ERLEC1: variants seen among roughly 807,000 people sequenced by gnomAD.
ERLEC1 encodes endoplasmic reticulum lectin 1.
Under a neutral mutation model 68.0 loss-of-function variants are expected in ERLEC1, and 47 were observed. That is an observed-to-expected ratio of 0.69 (90% CI 0.55 to 0.88). ERLEC1 has a LOEUF of 0.88. Ranked by LOEUF, ERLEC1 falls within the 40% of genes least tolerant of loss-of-function variation. The pLI, the probability that ERLEC1 is intolerant of heterozygous loss-of-function variation, is 0.00. For synonymous variants in ERLEC1, 225 were observed against 203.2 expected, an observed-to-expected ratio of 1.11 and a Z score of -0.91; for missense variants, 567 against 583.8, an observed-to-expected ratio of 0.97 and a Z score of 0.30.
At position 53,801,439 on chromosome 2, in the gene ERLEC1, C is replaced by G; in HGVS notation, c.568C>G (p.Pro190Ala). The change falls in exon 7 of 14, where the codon CCT (proline) becomes GCT (alanine). Residue 190 changes from proline (P) to alanine (A), a missense_variant. By Grantham distance (27) the Pro-to-Ala change is conservative. Transcript: ENST00000185150. ...CGAAGGTCAGATGACACCATACTATCCTGTGGGAATGGGAAATGGTACACC... is the reference window on the plus strand; with the variant it reads ...CGAAGGTCAGATGACACCATACTATGCTGTGGGAATGGGAAATGGTACACC... ...NIEGQMTPYY[P>A]VGMGNGTPCS... 1 of 1,613,840 alleles carries G rather than the reference C, an allele frequency of 6.2e-7. No individual in the cohort carries two copies. Among genetic ancestry groups the G allele is most frequent in the South Asian group, 1.1e-5 (1 of 91,066 alleles).
In ERLEC1 at chr2:53,793,741, A is replaced by G. The variant is rs112350861; in HGVS notation, c.163-604A>G. Among the ~76,000 whole-genome samples the G allele has an allele frequency of 4.3e-4, 65 of 152,096 alleles. 2 individuals are homozygous for G. The highest frequency in any genetic ancestry group is 1.5e-3 in the African/African-American group (62 of 41,508). ...CACTATTTTAACTTCAATCTGTTGC[A>G]TTCCTCCTTTTTTCTTTATACTCCA... On this transcript the variant is annotated intron_variant, in intron 1 of 13. Transcript: ENST00000185150.
intron 13 of ERLEC1, among the ~76,000 whole-genome samples, chr2:53,817,674 T>G (rs1676972319): frequency 6.6e-6 from 1 of 152,086 alleles, no homozygotes; most frequent in Non-Finnish European, 1.5e-5. Flanking sequence ...TCCTTTTCCC[T>G]CCCCCGCTTG....
At chr2:53,792,935 A>G (rs370122390) in intron 1 of ERLEC1, among the ~76,000 whole-genome samples, 1 of 151,872 alleles carries the variant, frequency 6.6e-6, no homozygotes, top group South Asian at 2.1e-4. Context: ...ACCTGAGTCC[A>G]GGAGGTCAGG....
At chr2:53,814,255 T>A (rs1676743268) in intron 11 of ERLEC1, among the ~76,000 whole-genome samples, 1 of 152,198 alleles carries the variant, frequency 6.6e-6, no homozygotes. Context: ...ACAATTTTTT[T>A]AAAGGAATCT....
At chr2:53,790,245 T>C (rs1024911129) in intron 1 of ERLEC1, among the ~76,000 whole-genome samples, 14 of 130,048 alleles carry the variant, frequency 1.1e-4, no homozygotes, top group African/African-American at 4.2e-4. Context: ...AAGCGTGCGC[T>C]ACCACACCTG....
intron 1 of ERLEC1, among the ~76,000 whole-genome samples, chr2:53,787,821 C>T (rs184081523): frequency 6.6e-6 from 1 of 152,346 alleles, no homozygotes; most frequent in East Asian, 1.9e-4. Flanking sequence ...CGTTCTCCCT[C>T]AGTTGTATAC....
chr2:53,797,957 G>A (rs577341617), intron 5 of ERLEC1, among the ~76,000 whole-genome samples, 162 bp downstream of exon 5: 1 of 152,300 alleles, frequency 6.6e-6, no homozygotes, highest in African/African-American at 2.4e-5. Flanking sequence ...AGCACTTTGG[G>A]AGGCCAAGGC....
At chr2:53,804,168 AT>A (rs994490259) in intron 8 of ERLEC1, among the ~76,000 whole-genome samples, 55 of 152,000 alleles carry the variant, frequency 3.6e-4, no homozygotes, top group African/African-American at 1.3e-3. Flanking sequence ...AATACTCAGC[AT>A]TTTTTTTAAT....
At chr2:53,795,727 CTG>C (rs1675657787) in intron 2 of ERLEC1, among the ~76,000 whole-genome samples, 1 of 152,126 alleles carries the variant, frequency 6.6e-6, no homozygotes, top group Non-Finnish European at 1.5e-5. Context: ...AGCATGAACT[CTG>C]TGAAGATTAT....
At position 53,801,415 on chromosome 2, in the gene ERLEC1, G is replaced by T. The variant is rs746265645; in HGVS notation, c.544G>T (p.Glu182Ter). 2 of 1,612,532 alleles carry T rather than the reference G, an allele frequency of 1.2e-6. No individual in the cohort carries two copies. Among genetic ancestry groups the T allele is most frequent in the South Asian group, 1.1e-5 (1 of 90,790 alleles). The change falls in exon 7 of 14, where the codon GAA becomes TAA. Residue 182 changes from glutamate to a stop codon, truncating the protein, a stop_gained. Coordinates refer to ENST00000185150, the MANE Select transcript of ERLEC1 (RefSeq NM_015701.5). LOFTEE classifies it high-confidence loss of function. Reference sequence around the variant, plus strand: ...TTTTAAGATTCCCACTAAAAATATCGAAGGTCAGATGACACCATACTATCC... The same window carrying T: ...TTTTAAGATTCCCACTAAAAATATCTAAGGTCAGATGACACCATACTATCC... ...KSNEIPTKNI[E>*]GQMTPYYPVG...
chr2:53,806,710 G>A (rs1676313228), intron 8 of ERLEC1, among the ~76,000 whole-genome samples: 1 of 152,122 alleles, frequency 6.6e-6, no homozygotes, highest in Admixed American at 6.6e-5. Flanking sequence ...AAGAACCATA[G>A]CTGGTTAACG....
intron 1 of ERLEC1, among the ~76,000 whole-genome samples, chr2:53,790,451 G>A (rs1455824277): frequency 6.6e-6 from 1 of 152,000 alleles, no homozygotes; most frequent in African/African-American, 2.4e-5. Context: ...ATAGGATAAG[G>A]TCCTTTGTCT....
intron 13 of ERLEC1, 60 bp downstream of exon 13, chr2:53,814,995 C>CTTTTTTTTTTTTTTTTTTTTTTTTTTTTT (rs777632156): frequency 4.0e-5 from 19 of 470,068 alleles, no homozygotes; most frequent in Middle Eastern, 7.6e-4. Flanking sequence ...ATTTTTTTTT[C>CTTTTTTTTTTTTTTTTTTTTTTTTTTTTT]TTTTTTTTTT....
intron 8 of ERLEC1, among the ~76,000 whole-genome samples, chr2:53,804,328 CTG>C (rs1038251239): frequency 2.4e-4 from 36 of 152,146 alleles, no homozygotes; most frequent in African/African-American, 8.7e-4. Context: ...TCTTGGCTCA[CTG>C]TGGCGCAATC....
chr2:53,804,665 T>G (rs1676183376), intron 8 of ERLEC1, among the ~76,000 whole-genome samples: 1 of 152,168 alleles, frequency 6.6e-6, no homozygotes, highest in African/African-American at 2.4e-5. Flanking sequence ...CATTTGTCCT[T>G]TGTGTTACAA....
At chr2:53,812,782 A>G (rs1384161375) in intron 10 of ERLEC1, among the ~76,000 whole-genome samples, 167 bp from the exon 11 acceptor site, 2 of 152,184 alleles carry the variant, frequency 1.3e-5, no homozygotes, top group African/African-American at 4.8e-5. Flanking sequence ...TAAAGAAGAT[A>G]ATGTGCTTAA....
At chr2:53,787,615 C>G (rs774127679) in intron 1 of ERLEC1, 8 of 400,782 alleles carry the variant, frequency 2.0e-5, no homozygotes, top group Non-Finnish European at 3.5e-5. Flanking sequence ...TCAATTCTGT[C>G]GCACTAGACC....
intron 8 of ERLEC1, among the ~76,000 whole-genome samples, chr2:53,803,868 C>G (rs998963088): frequency 2.0e-5 from 3 of 152,224 alleles, no homozygotes; most frequent in East Asian, 3.8e-4. Flanking sequence ...ATGGCCCACG[C>G]CTATAATTCC....
chr2:53,807,018 T>C (rs1257618908), intron 8 of ERLEC1, among the ~76,000 whole-genome samples: 1 of 152,226 alleles, frequency 6.6e-6, no homozygotes, highest in Middle Eastern at 3.2e-3. Flanking sequence ...ACTCTCTTCC[T>C]CTAGATTTGT....
Sources: gnomAD v4.1 joint callset for allele counts (sites outside exome capture counted in the v4.1 genomes callset) on GRCh38, gnomAD v4.1.1 for gene constraint, MANE v1.5 for transcripts, NCBI Gene and HGNC (gene_info 2026-07-23, HGNC 2026-07-21) for gene names.